Variants in TASOR2 observed in about 807,000 individuals in gnomAD.
TASOR2 encodes the protein transcription activation suppressor family member 2.
In TASOR2, 84 loss-of-function variants were observed where a neutral mutation model predicts 199.5. The observed-to-expected ratio is 0.42, with a 90% CI of 0.35 to 0.50. The LOEUF is 0.50. TASOR2 is among the 20% of genes least tolerant of loss of function. TASOR2 has a pLI of 0.02. For missense variants in TASOR2, 2,796 were observed against 2,835.9 expected, an observed-to-expected ratio of 0.99 and a Z score of 0.32; for synonymous variants, 1,103 against 1,046.6, an observed-to-expected ratio of 1.05 and a Z score of -1.04.
In TASOR2 at chr10:5,751,899, T is replaced by C. The variant is rs1838092654; in HGVS notation, c.6606+1872T>C. Among the ~76,000 whole-genome samples, 5 of 152,296 alleles carry C rather than the reference T, an allele frequency of 3.3e-5. No homozygotes were observed. The South Asian group carries it at 1.0e-3, about 32-fold the overall frequency. The stretch of plus-strand genomic sequence containing the variant: ...CAATTCTAGTCCAGTACTGCCAGGT[T>C]TGTGCTAGCCTCCTTCTCCATGTGT... On this transcript the variant is annotated intron_variant, in intron 15 of 20. Transcript: ENST00000328090. The surrounding 1 kb of genome is among the most constrained non-coding windows in gnomAD (Gnocchi z 5.3).
At position 5,752,620 on chromosome 10, in the gene TASOR2, T is replaced by C. The variant is rs1276114959; in HGVS notation, c.6606+2593T>C. 2.6e-5 allele frequency among the ~76,000 whole-genome samples: 4 copies of C among 152,222 alleles called. No individual in the cohort carries two copies. The highest frequency in any genetic ancestry group is 5.9e-5 in the Non-Finnish European group (4 of 68,028). On this transcript the variant is annotated intron_variant, in intron 15 of 20. Coordinates refer to ENST00000328090, the Ensembl canonical transcript of TASOR2. This position sits in a 1 kb window ranked among gnomAD's most constrained non-coding sequence, Gnocchi z 4.4. ...TTAGTAATGAAGGACACGTGTCCCT[T>C]ATTGTCACAGTGTCCCCTGGGTGCA...
Position 5,730,954 on chromosome 10 carries a change from G to A in TASOR2, c.955G>A (p.Glu319Lys). ...TGTCTCAGAGGCAGAAGTGAGAAAA[G>A]AAACTGAAACAAAAAAGGATTCTGA... Residue 319 changes from glutamate (E) to lysine (K), a missense_variant, in exon 11 of 21, where the codon GAA (glutamate) becomes AAA (lysine). This residue lies in a region of TASOR2 where 847 missense variants were observed against 887.4 expected (regional missense o/e 0.95). Coordinates refer to ENST00000328090, the Ensembl canonical transcript of TASOR2. The surrounding 1 kb of genome is among the most constrained non-coding windows in gnomAD (Gnocchi z 4.1). 6.2e-7 allele frequency: 1 copy of A among 1,614,076 alleles called. No homozygotes were observed. Among genetic ancestry groups the A allele is most frequent in the Non-Finnish European group, 8.5e-7 (1 of 1,179,998 alleles).
chr10:5,748,337 C>A lies in TASOR2; in HGVS notation c.4916C>A (p.Ala1639Asp), dbSNP rs958135810. Residue 1639 changes from alanine to aspartate, a missense_variant, in exon 15 of 21, where the codon GCC becomes GAC. By Grantham distance (126) the Ala-to-Asp change is moderately radical. Around this residue, in one of 3 missense-constraint regions of TASOR2, gnomAD observed 1,941 missense variants for 1,924.9 expected, o/e 1.01. Transcript: ENST00000328090. The surrounding 1 kb of genome is among the most constrained non-coding windows in gnomAD (Gnocchi z 5.1). ...CTGCAGGTGAAGTCCTTGACAGCTGCCTCGGTTGATGGAGCTTATTCTACA... is the reference window on the plus strand; with the variant it reads ...CTGCAGGTGAAGTCCTTGACAGCTGACTCGGTTGATGGAGCTTATTCTACA... 4 of 1,614,092 alleles carry A rather than the reference C, an allele frequency of 2.5e-6. No homozygotes were observed. The African/African-American group carries it at 5.3e-5, about 22-fold the overall frequency.
At chr10:5,747,732 A>G (rs376771320) in exon 15 of TASOR2, 47 of 1,614,062 alleles carry the variant, frequency 2.9e-5, no homozygotes, top group East Asian at 4.5e-5. Flanking sequence ...AGAGCAACCA[A>G]ATCTCCCAAT....
chr10:5,740,433 T>A lies in TASOR2; in HGVS notation c.2263T>A (p.Phe755Ile). The A allele has an allele frequency of 3.1e-6, 5 of 1,614,104 alleles. No individual in the cohort carries two copies. Among genetic ancestry groups the A allele is most frequent in the Non-Finnish European group, 4.2e-6 (5 of 1,180,036 alleles). ...TTTCAAATGTGAAACAGAATATGCA[T>A]TCAGTTTAGACAGCAAATATACCAA... Residue 755 changes from phenylalanine (F) to isoleucine (I), a missense_variant, in exon 13 of 21, where the codon TTC becomes ATC. Transcript: ENST00000328090. The surrounding 1 kb of genome is among the most constrained non-coding windows in gnomAD (Gnocchi z 5.3).
At chr10:5,745,027 C>G (rs370765049) in intron 14 of TASOR2, among the ~76,000 whole-genome samples, 1 of 152,174 alleles carries the variant, frequency 6.6e-6, no homozygotes, top group Non-Finnish European at 1.5e-5. Flanking sequence ...GCATGGTGTT[C>G]CCAGCATTGC....
intron 1 of TASOR2, among the ~76,000 whole-genome samples, chr10:5,705,157 TTTTCCTA>T (rs1314048457): frequency 5.3e-5 from 8 of 152,228 alleles, no homozygotes; most frequent in Non-Finnish European, 1.2e-4. Context: ...TTGTAGTCAA[TTTTCCTA>T]TTCCTGCCCC....
In TASOR2 at chr10:5,730,381, C is replaced by T. The variant is rs552223241; in HGVS notation, c.488-106C>T. On this transcript the variant is annotated intron_variant, in intron 10 of 20. Coordinates refer to ENST00000328090, the Ensembl canonical transcript of TASOR2. The surrounding 1 kb of genome is among the most constrained non-coding windows in gnomAD (Gnocchi z 4.1). ...TAGGTTGTCATTTGAAATACTATAACATATTTAACCATCACATAATTTTGA... is the reference window on the plus strand; with the variant it reads ...TAGGTTGTCATTTGAAATACTATAATATATTTAACCATCACATAATTTTGA... 1.3e-4 allele frequency: 103 copies of T among 817,494 alleles called. No homozygotes were observed. Among genetic ancestry groups the T allele is most frequent in the Middle Eastern group, 1.0e-3 (3 of 2,942 alleles). 50.6% of individuals were successfully genotyped at this position (817,494 alleles called of 1,614,324 possible). A position where few individuals can be genotyped will look rare whatever the true frequency, so the allele number is the denominator to read the frequency against.
rs555682618 is a variant in TASOR2 at position 5,741,811 on chromosome 10, C to T, written c.2328-286C>T. Among the ~76,000 whole-genome samples, 209 of 152,276 alleles carry T rather than the reference C, an allele frequency of 1.4e-3. 3 individuals are homozygous for T. The highest frequency in any genetic ancestry group is 1.4e-3 in the Non-Finnish European group (93 of 68,018). ...GTGAATTTGTATGGTGTAAAAGACACGTGCTACCCATGTTCAGATCATGGT... is the reference window on the plus strand; with the variant it reads ...GTGAATTTGTATGGTGTAAAAGACATGTGCTACCCATGTTCAGATCATGGT... On this transcript the variant is annotated intron_variant, in intron 13 of 20. Transcript: ENST00000328090.
chr10:5,714,077 G>A (rs1274884644), intron 2 of TASOR2, 58 bp from the exon 3 acceptor site: 28 of 881,972 alleles, frequency 3.2e-5, no homozygotes, highest in Admixed American at 3.0e-4. Flanking sequence ...AAACCTTACA[G>A]ATTATAGCAT....
In TASOR2 at chr10:5,685,064, G is replaced by T; in HGVS notation, c.-399G>T. 2.5e-6 allele frequency: 1 copy of T among 398,096 alleles called. No homozygotes were observed. Among genetic ancestry groups the T allele is most frequent in the Non-Finnish European group, 4.4e-6 (1 of 225,616 alleles). The allele number at this position is 398,096 out of a possible 1,614,324, so 24.7% of individuals were successfully genotyped here. A position where few individuals can be genotyped will look rare whatever the true frequency, so the allele number is the denominator to read the frequency against. ...AGCCGGCGACTGGTGCTTCCCACGTGCGCCGGTGTCGCGAGGGCCCGGGAG... is the reference window on the plus strand; with the variant it reads ...AGCCGGCGACTGGTGCTTCCCACGTTCGCCGGTGTCGCGAGGGCCCGGGAG... On this transcript the variant is annotated 5_prime_UTR_variant, in exon 1 of 21. Coordinates refer to ENST00000328090, the Ensembl canonical transcript of TASOR2. The surrounding 1 kb of genome is among the most constrained non-coding windows in gnomAD (Gnocchi z 5.4).
Position 5,685,357 on chromosome 10 carries a change from C to G in TASOR2, c.-288+182C>G, listed in dbSNP as rs2131472032. On this transcript the variant is annotated intron_variant, in intron 1 of 20. Coordinates refer to ENST00000328090, the Ensembl canonical transcript of TASOR2. The surrounding 1 kb of genome is among the most constrained non-coding windows in gnomAD (Gnocchi z 5.4). ...GGCGCCTTCTAGATGACTCAACCTT[C>G]TGTCCTGCGCTACAACCTGTGGCCG... is the stretch of plus-strand genomic sequence containing the variant. 6.6e-6 allele frequency among the ~76,000 whole-genome samples: 1 copy of G among 152,136 alleles called. No homozygotes were observed. The highest frequency in any genetic ancestry group is 2.4e-5 in the African/African-American group (1 of 41,490).
intron 17 of TASOR2, among the ~76,000 whole-genome samples, 200 bp from the exon 19 acceptor site, chr10:5,758,687 T>C (rs577617126): frequency 3.9e-4 from 60 of 152,316 alleles, no homozygotes; most frequent in Admixed American, 5.9e-4. Flanking sequence ...CCCACCATAG[T>C]GTGAGCAGGT....
intron 8 of TASOR2, among the ~76,000 whole-genome samples, chr10:5,726,319 T>A (rs1053454032): frequency 1.3e-5 from 2 of 152,206 alleles, no homozygotes; most frequent in Non-Finnish European, 2.9e-5. Flanking sequence ...AAGACTCTAA[T>A]AGAGGGGAAC....
exon 15 of TASOR2, chr10:5,746,771 G>T: frequency 6.2e-7 from 1 of 1,614,138 alleles, no homozygotes. Context: ...GTAGTTGCAG[G>T]ACAGAAGGGC....
chr10:5,703,964 T>C (rs1377374302), intron 1 of TASOR2, among the ~76,000 whole-genome samples: 2 of 152,066 alleles, frequency 1.3e-5, no homozygotes, highest in East Asian at 3.9e-4. Context: ...GGCTCACACC[T>C]GTAATCCCAG....
chr10:5,749,136 AGAG>A, exon 15 of TASOR2: 1 of 1,614,072 alleles, frequency 6.2e-7, no homozygotes, highest in East Asian at 2.2e-5. Flanking sequence ...TAAAGAAAGA[AGAG>A]AAGTGTGTGC....
intron 1 of TASOR2, among the ~76,000 whole-genome samples, chr10:5,702,610 C>T (rs1369948190): frequency 7.2e-6 from 1 of 138,046 alleles, no homozygotes; most frequent in East Asian, 2.1e-4. Context: ...TTTATTATAG[C>T]TTTGATCTCA....
At position 5,730,137 on chromosome 10, in the gene TASOR2, A is replaced by G. The variant is rs11254898; in HGVS notation, c.488-350A>G. Reference sequence around the variant, plus strand: ...GAAAAAGTACGAAAGCAAATCTGCCAGCTCTAAAGACCAGTGGTACTGCTG... The same window carrying G: ...GAAAAAGTACGAAAGCAAATCTGCCGGCTCTAAAGACCAGTGGTACTGCTG... On this transcript the variant is annotated intron_variant, in intron 10 of 20. Coordinates refer to ENST00000328090, the Ensembl canonical transcript of TASOR2. This position sits in a 1 kb window ranked among gnomAD's most constrained non-coding sequence, Gnocchi z 4.1. Among the ~76,000 whole-genome samples the G allele has an allele frequency of 0.07, 10,714 of 152,244 alleles. 1,041 individuals are homozygous for G. Among genetic ancestry groups the G allele is most frequent in the East Asian group, 0.43 (2,253 of 5,180 alleles).
Sources: allele counts gnomAD v4.1 joint callset (sites outside exome capture counted in the v4.1 genomes callset), GRCh38; gene constraint gnomAD v4.1.1; regional missense constraint gnomAD v4.1.1; non-coding constraint Gnocchi (gnomAD v3.1); transcripts MANE v1.5; gene names NCBI Gene and HGNC (gene_info 2026-07-23, HGNC 2026-07-21).